SEPTIN10: variants seen among roughly 807,000 people sequenced by gnomAD.
SEPTIN10 encodes the protein septin-10.
In SEPTIN10, 66 loss-of-function variants were observed where a neutral mutation model predicts 54.8. The observed-to-expected ratio is 1.21, with a 90% CI of 0.99 to 1.48. The LOEUF (loss-of-function observed/expected upper bound fraction) is 1.48. Among genes scored for constraint, SEPTIN10 ranks in the 40% most tolerant of loss-of-function variants. SEPTIN10 has a pLI of 0.00. For missense variants in SEPTIN10, 620 were observed against 545.6 expected (o/e 1.14, Z -1.36); for synonymous variants, 161 against 181.0 (o/e 0.89, Z 0.89).
At chr2:109,545,655 A>G in intron 10 of SEPTIN10, 3 of 1,491,788 alleles carry the variant, frequency 2.0e-6, no homozygotes, top group Non-Finnish European at 2.7e-6. Context: ...TTCCCCAACA[A>G]AGGGCACAGC....
intron 1 of SEPTIN10, among the ~76,000 whole-genome samples, chr2:109,601,632 T>C (rs899971007): frequency 1.3e-5 from 2 of 152,214 alleles, no homozygotes; most frequent in African/African-American, 2.4e-5. Flanking sequence ...TTGCTTGTCA[T>C]GTGTATCATA....
chr2:109,569,985 T>C (rs1687975038), intron 5 of SEPTIN10, among the ~76,000 whole-genome samples: 1 of 152,090 alleles, frequency 6.6e-6, no homozygotes. Context: ...TGTAGTGCCC[T>C]TGTGTAAGTG....
At chr2:109,545,993 C>A in intron 10 of SEPTIN10, 57 bp downstream of exon 10, 1 of 1,514,904 alleles carries the variant, frequency 6.6e-7, no homozygotes, top group Non-Finnish European at 8.8e-7. Context: ...GAAGATCCGA[C>A]AGGGCAATGT....
intron 8 of SEPTIN10, among the ~76,000 whole-genome samples, chr2:109,562,410 CT>C (rs1685903487): frequency 1.3e-5 from 2 of 151,018 alleles, no homozygotes; most frequent in Admixed American, 6.6e-5. Flanking sequence ...AGGGGTCCTC[CT>C]CCCACCCCTC....
At chr2:109,556,376 T>C (rs1684373898) in intron 8 of SEPTIN10, among the ~76,000 whole-genome samples, 1 of 152,212 alleles carries the variant, frequency 6.6e-6, no homozygotes, top group Non-Finnish European at 1.5e-5. Context: ...ATCTTATTAA[T>C]CTTAAATTTT....
chr2:109,572,434 C>G (rs1688625047), intron 5 of SEPTIN10, among the ~76,000 whole-genome samples: 1 of 151,628 alleles, frequency 6.6e-6, no homozygotes, highest in Non-Finnish European at 1.5e-5. Flanking sequence ...TACCTGGCCT[C>G]TAGCCCTATT....
At chr2:109,544,400 T>A (rs1298793912) in intron 10 of SEPTIN10, 76 bp from the exon 11 acceptor site, 119 of 1,523,948 alleles carry the variant, frequency 7.8e-5, no homozygotes, top group Non-Finnish European at 7.1e-5. Flanking sequence ...ATGCATCTAG[T>A]ATATTATAGG....
In SEPTIN10 at chr2:109,593,037, A is replaced by G; in HGVS notation, c.99+14T>C. The G allele has an allele frequency of 6.4e-7, 1 of 1,553,794 alleles. No homozygotes were observed. Among genetic ancestry groups the G allele is most frequent in the Non-Finnish European group, 8.7e-7 (1 of 1,148,470 alleles). On this transcript the variant is annotated intron_variant, in intron 2 of 10. Transcript: ENST00000397712. ...TAGAGTACAATATGGTATCTATTTA[A>G]AAGACATACTCACTATCTGTTCATC...
chr2:109,587,437 G>C (rs932943788), intron 2 of SEPTIN10, among the ~76,000 whole-genome samples: 1 of 152,058 alleles, frequency 6.6e-6, no homozygotes, highest in Admixed American at 6.6e-5. Flanking sequence ...TAGAGAAAGA[G>C]AGAAGGTGAA....
chr2:109,561,602 C>T (rs934978901), intron 8 of SEPTIN10, among the ~76,000 whole-genome samples: 1 of 152,148 alleles, frequency 6.6e-6, no homozygotes, highest in Non-Finnish European at 1.5e-5. Context: ...CATCATGTGT[C>T]TAATAACCTA....
chr2:109,549,464 T>C (rs1682270139), intron 9 of SEPTIN10, among the ~76,000 whole-genome samples: 1 of 152,202 alleles, frequency 6.6e-6, no homozygotes, highest in Admixed American at 6.5e-5. Flanking sequence ...CTGGGTGGCA[T>C]TTCCAGCTCT....
chr2:109,570,823 G>A (rs933914420), intron 5 of SEPTIN10, among the ~76,000 whole-genome samples: 1 of 152,078 alleles, frequency 6.6e-6, no homozygotes, highest in Non-Finnish European at 1.5e-5. Flanking sequence ...CACCCGGCCT[G>A]TATTAGGTAT....
At chr2:109,577,036 T>G (rs1179040628) in intron 4 of SEPTIN10, among the ~76,000 whole-genome samples, 1 of 151,846 alleles carries the variant, frequency 6.6e-6, no homozygotes, top group African/African-American at 2.4e-5. Flanking sequence ...AGGTACAGCA[T>G]AGCAAAACTG....
chr2:109,562,447 C>T (rs918485977), intron 8 of SEPTIN10, among the ~76,000 whole-genome samples: 3 of 151,740 alleles, frequency 2.0e-5, no homozygotes, highest in African/African-American at 7.3e-5. Flanking sequence ...CAAGCAGGGT[C>T]TCTATTTGAT....
intron 6 of SEPTIN10, among the ~76,000 whole-genome samples, chr2:109,566,866 TA>T (rs1391530404): frequency 2.6e-5 from 4 of 152,172 alleles, no homozygotes; most frequent in African/African-American, 9.6e-5. Context: ...ATGTAAAAAT[TA>T]TTAATTACTA....
chr2:109,577,228 C>T (rs1017607809), intron 4 of SEPTIN10, among the ~76,000 whole-genome samples: 8 of 152,030 alleles, frequency 5.3e-5, no homozygotes, highest in African/African-American at 2.4e-5. Flanking sequence ...AGTATGTGAG[C>T]GACACAGAAA....
At chr2:109,583,203 A>G (rs558956988) in intron 4 of SEPTIN10, among the ~76,000 whole-genome samples, 1 of 152,372 alleles carries the variant, frequency 6.6e-6, no homozygotes, top group Non-Finnish European at 1.5e-5. Context: ...ACATAGCAAA[A>G]CAAACCATCA....
At chr2:109,589,730 T>A (rs1431068535) in intron 2 of SEPTIN10, among the ~76,000 whole-genome samples, 1 of 147,772 alleles carries the variant, frequency 6.8e-6, no homozygotes, top group Non-Finnish European at 1.5e-5. Flanking sequence ...CATATTATTA[T>A]ATAGCCAAAA....
At chr2:109,580,014 G>C (rs776692246) in intron 4 of SEPTIN10, among the ~76,000 whole-genome samples, 2 of 151,604 alleles carry the variant, frequency 1.3e-5, no homozygotes, top group Non-Finnish European at 2.9e-5. Context: ...CCAGCTACTC[G>C]GGAGGCTGAG....
Sources: gnomAD v4.1 joint callset for allele counts (sites outside exome capture counted in the v4.1 genomes callset) on GRCh38, gnomAD v4.1.1 for gene constraint, MANE v1.5 for transcripts, NCBI Gene and HGNC (gene_info 2026-07-23, HGNC 2026-07-21) for gene names.